The following SPATA13 variants were observed in gnomAD, a reference collection of about 807,000 sequenced individuals.
SPATA13 encodes spermatogenesis associated 13.
In SPATA13, 50 loss-of-function variants were observed where a neutral mutation model predicts 104.0. The ratio of observed to expected loss-of-function variants is 0.48; its 90% CI spans 0.38 to 0.61. SPATA13 has a LOEUF of 0.61. Ranked by LOEUF, SPATA13 falls within the 20% of genes least tolerant of loss-of-function variation. The pLI is 0.00. For synonymous variants in SPATA13, 606 were observed against 667.5 expected (o/e 0.91, Z 1.42); for missense variants, 1,524 against 1,690.6 (o/e 0.90, Z 1.73).
intron 3 of SPATA13, among the ~76,000 whole-genome samples, chr13:24,103,484 CA>C (rs34983901): frequency 6.4e-4 from 45 of 69,840 alleles, no homozygotes; most frequent in South Asian, 1.6e-3. Context: ...GACCCTGTCT[CA>C]AAAAAAAAAA....
chr13:23,986,647 G>A (rs1225997023), intron 2 of SPATA13, among the ~76,000 whole-genome samples: 1 of 152,186 alleles, frequency 6.6e-6, no homozygotes, highest in East Asian at 1.9e-4. Flanking sequence ...GTTTAGAGGT[G>A]TGGATTTCTC....
Position 24,020,870 on chromosome 13 carries a change from G to A in SPATA13, c.-112+3169G>A, listed in dbSNP as rs147892857. Reference sequence around the variant, plus strand: ...CAGCCTGGCCGAGATGGTGAAAACCGGTCTCTACTAAAAATACAAAAATTA... The same window carrying A: ...CAGCCTGGCCGAGATGGTGAAAACCAGTCTCTACTAAAAATACAAAAATTA... On this transcript the variant is annotated intron_variant, in intron 3 of 14. Transcript: ENST00000424834. Among the ~76,000 whole-genome samples, 416 of 152,132 alleles carry A rather than the reference G, an allele frequency of 2.7e-3. 3 individuals are homozygous for A. The highest frequency in any genetic ancestry group is 9.2e-3 in the African/African-American group (381 of 41,512).
intron 3 of SPATA13, among the ~76,000 whole-genome samples, chr13:24,035,817 C>T (rs937206487): frequency 1.3e-5 from 2 of 151,926 alleles, no homozygotes; most frequent in Admixed American, 6.5e-5. Context: ...AGTTTGAGAC[C>T]AGCCTGGCTA....
intron 2 of SPATA13, among the ~76,000 whole-genome samples, chr13:24,235,515 T>A (rs1872525207): frequency 6.6e-6 from 1 of 152,162 alleles, no homozygotes; most frequent in African/African-American, 2.4e-5. Context: ...ATCCCAGCAC[T>A]TTGGGAGGTC....
Position 24,011,952 on chromosome 13 carries a change from A to G in SPATA13, c.-146-5715A>G, listed in dbSNP as rs188941954. On this transcript the variant is annotated intron_variant, in intron 2 of 14. Coordinates refer to the SPATA13 transcript ENST00000424834. This position sits in a 1 kb window ranked among gnomAD's most constrained non-coding sequence, Gnocchi z 4.3. ...TCAATGTGCACCTCCGCCTCCCCCT[A>G]CGGATTGTAAAACTCACAGGCACAG... 8.1e-4 allele frequency among the ~76,000 whole-genome samples: 123 copies of G among 152,208 alleles called. 1 individual carries two copies. The highest frequency in any genetic ancestry group is 3.4e-3 in the Middle Eastern group (1 of 294).
At chr13:24,259,320 G>A (rs1445123573) in intron 4 of SPATA13, among the ~76,000 whole-genome samples, 3 of 152,236 alleles carry the variant, frequency 2.0e-5, no homozygotes, top group Non-Finnish European at 4.4e-5. Context: ...GCCGCCAAGT[G>A]GAGCCATCCC....
chr13:24,281,692 C>T (rs1020884458), intron 4 of SPATA13, among the ~76,000 whole-genome samples: 5 of 151,322 alleles, frequency 3.3e-5, no homozygotes, highest in African/African-American at 1.2e-4. Flanking sequence ...AAAGCCAGAG[C>T]CCATGAGCAG....
chr13:24,195,024 A>G (rs1869973553), intron 1 of SPATA13, among the ~76,000 whole-genome samples: 1 of 152,232 alleles, frequency 6.6e-6, no homozygotes, highest in Admixed American at 6.5e-5. Context: ...ACATATAGGA[A>G]GAGTTGTACA....
intron 3 of SPATA13, among the ~76,000 whole-genome samples, chr13:24,103,070 A>C (rs921408472): frequency 2.6e-5 from 4 of 152,216 alleles, no homozygotes; most frequent in African/African-American, 9.6e-5. Flanking sequence ...ATGAAAAATA[A>C]TAAATCAGAT....
intron 3 of SPATA13, among the ~76,000 whole-genome samples, chr13:24,039,040 A>C (rs568735231): frequency 6.6e-6 from 1 of 152,160 alleles, no homozygotes; most frequent in Non-Finnish European, 1.5e-5. Context: ...AGAGACGATT[A>C]AAAAAGTTAT....
chr13:24,040,395 A>G (rs922932276), intron 3 of SPATA13, among the ~76,000 whole-genome samples: 1 of 152,148 alleles, frequency 6.6e-6, no homozygotes, highest in Non-Finnish European at 1.5e-5. Flanking sequence ...ATCTGTCTAT[A>G]TGTTTTTAAG....
At chr13:24,177,744 A>C (rs2209003) in intron 1 of SPATA13, among the ~76,000 whole-genome samples, 116,899 of 152,130 alleles carry the variant, frequency 0.77, 47,657 homozygotes, top group East Asian at 0.92. Context: ...GAGCCTGGCC[A>C]TTGGGCCTTT....
intron 3 of SPATA13, among the ~76,000 whole-genome samples, chr13:24,094,810 A>T (rs976148749): frequency 6.6e-6 from 1 of 152,198 alleles, no homozygotes; most frequent in Non-Finnish European, 1.5e-5. Flanking sequence ...TAAATAAATA[A>T]AATCTACATT....
intron 1 of SPATA13, among the ~76,000 whole-genome samples, chr13:24,169,588 C>T (rs947823575): frequency 6.6e-6 from 1 of 152,152 alleles, no homozygotes; most frequent in Admixed American, 6.5e-5. Context: ...CCTATAACTT[C>T]CCTTCCCGAG....
At chr13:24,122,114 A>G (rs1881048994) in intron 3 of SPATA13, 3 of 1,612,450 alleles carry the variant, frequency 1.9e-6, no homozygotes, top group South Asian at 1.1e-5. Flanking sequence ...ACTTGGCACA[A>G]CTGGAGCACT....
intron 3 of SPATA13, among the ~76,000 whole-genome samples, chr13:24,098,661 G>A (rs1303521143): frequency 6.6e-6 from 1 of 151,960 alleles, no homozygotes; most frequent in African/African-American, 2.4e-5. Context: ...GGATGTGGTG[G>A]TTTATGACTG....
intron 2 of SPATA13, among the ~76,000 whole-genome samples, chr13:24,004,701 A>G (rs1425781051): frequency 3.9e-5 from 6 of 152,282 alleles, no homozygotes; most frequent in Middle Eastern, 3.4e-3. Context: ...CAGGGCTGAA[A>G]ATTTACATTC....
chr13:24,082,777 G>A (rs559489918), intron 3 of SPATA13, among the ~76,000 whole-genome samples: 2 of 129,576 alleles, frequency 1.5e-5, no homozygotes, highest in East Asian at 2.4e-4. Context: ...CCGAGATTGC[G>A]CCACTGCAGT....
chr13:24,170,303 A>C (rs1260771440), intron 1 of SPATA13, among the ~76,000 whole-genome samples: 2 of 152,256 alleles, frequency 1.3e-5, no homozygotes, highest in East Asian at 3.8e-4. Context: ...ATTCTAAAGC[A>C]TAGTGGCTTA....
Sources: gnomAD v4.1 joint callset for allele counts (sites outside exome capture counted in the v4.1 genomes callset) on GRCh38, gnomAD v4.1.1 for gene constraint, Gnocchi (gnomAD v3.1) non-coding constraint, MANE v1.5 for transcripts, NCBI Gene and HGNC (gene_info 2026-07-23, HGNC 2026-07-21) for gene names.